FBXL7: variants seen among roughly 807,000 people sequenced by gnomAD.
The protein encoded by FBXL7 is F-box/LRR-repeat protein 7.
FBXL7 carries 12 observed loss-of-function variants against 38.3 expected under a neutral mutation model. The observed-to-expected ratio is 0.31, with a 90% CI of 0.20 to 0.51. FBXL7 has a LOEUF of 0.51. Among genes scored for constraint, FBXL7 ranks in the 20% least tolerant of loss-of-function variants. The pLI is 0.98. For synonymous variants in FBXL7, 297 were observed against 300.9 expected, an observed-to-expected ratio of 0.99 and a Z score of 0.13; for missense variants, 567 against 676.4, an observed-to-expected ratio of 0.84 and a Z score of 1.79.
chr5:15,871,140 C>A (rs1400477261), intron 2 of FBXL7, among the ~76,000 whole-genome samples: 1 of 152,210 alleles, frequency 6.6e-6, no homozygotes, highest in African/African-American at 2.4e-5. Flanking sequence ...TGCTGTTCTG[C>A]AGCCTCTGCT....
At chr5:15,656,514 T>A (rs1561072302) in intron 2 of FBXL7, among the ~76,000 whole-genome samples, 1 of 152,164 alleles carries the variant, frequency 6.6e-6, no homozygotes, top group Non-Finnish European at 1.5e-5. Flanking sequence ...TCAGATCTTG[T>A]GAGATTTATT....
At chr5:15,822,240 T>C (rs1039869137) in intron 2 of FBXL7, among the ~76,000 whole-genome samples, 1 of 149,862 alleles carries the variant, frequency 6.7e-6, no homozygotes, top group Non-Finnish European at 1.5e-5. Flanking sequence ...CACGTGCCTA[T>C]AGTCCCAGCT....
At chr5:15,868,129 G>A (rs1056776820) in intron 2 of FBXL7, among the ~76,000 whole-genome samples, 2 of 151,534 alleles carry the variant, frequency 1.3e-5, no homozygotes, top group Non-Finnish European at 2.9e-5. Context: ...AAAAAATGGA[G>A]GAAAGGGACC....
At chr5:15,829,107 A>G (rs2126771772) in intron 2 of FBXL7, among the ~76,000 whole-genome samples, 1 of 152,298 alleles carries the variant, frequency 6.6e-6, no homozygotes, top group East Asian at 1.9e-4. Context: ...ATATAGCTTG[A>G]GTTCTCAGGT....
rs978479720 is a variant in FBXL7 at position 15,500,210 on chromosome 5, G to C, written c.-467G>C. ...GTCGCTAGTCTTCACTCGCTCCGGG[G>C]ACCCGCAACAAGTGGCCGCCGCGCC... On this transcript the variant is annotated 5_prime_UTR_variant, in exon 1 of 4. Coordinates refer to ENST00000504595, the MANE Select transcript of FBXL7 (RefSeq NM_012304.5). 1 of 152,026 alleles carries C rather than the reference G, an allele frequency of 6.6e-6. No homozygotes were observed. The allele number at this position is 152,026 out of a possible 1,614,324, so 9.4% of individuals were successfully genotyped here. A position where few individuals can be genotyped will look rare whatever the true frequency, so the allele number is the denominator to read the frequency against.
intron 2 of FBXL7, among the ~76,000 whole-genome samples, chr5:15,841,527 C>T (rs1374187980): frequency 6.6e-6 from 1 of 151,738 alleles, no homozygotes; most frequent in Non-Finnish European, 1.5e-5. Context: ...TTGCAGTGGT[C>T]GATTTCTGAT....
At chr5:15,791,361 G>A (rs1737272713) in intron 2 of FBXL7, among the ~76,000 whole-genome samples, 1 of 152,160 alleles carries the variant, frequency 6.6e-6, no homozygotes, top group South Asian at 2.1e-4. Flanking sequence ...TCTCCCTGAA[G>A]AACTTGGTTT....
chr5:15,598,326 A>G (rs977934700), intron 1 of FBXL7, among the ~76,000 whole-genome samples: 3 of 152,214 alleles, frequency 2.0e-5, no homozygotes, highest in Non-Finnish European at 2.9e-5. Context: ...TTATTACTTT[A>G]TACTTATTCA....
intron 2 of FBXL7, among the ~76,000 whole-genome samples, chr5:15,837,360 C>G (rs573049515): frequency 1.3e-5 from 2 of 152,102 alleles, no homozygotes; most frequent in Non-Finnish European, 2.9e-5. Flanking sequence ...AGAAGAAATT[C>G]TAAAGCATTT....
At chr5:15,930,085 G>A (rs6887439) in intron 3 of FBXL7, among the ~76,000 whole-genome samples, 58,452 of 152,034 alleles carry the variant, frequency 0.38, 12,425 homozygotes, top group African/African-American at 0.58. Context: ...CTGGAGAGCA[G>A]CTCGCTGCTC....
At position 15,719,987 on chromosome 5, in the gene FBXL7, T is replaced by A. The variant is rs1011291641; in HGVS notation, c.127+103915T>A. On this transcript the variant is annotated intron_variant, in intron 2 of 3. Transcript: ENST00000504595. ...CTGCGTATTCCCTATCAGTAGCTAC[T>A]GCATCCTGTCTGTTCAACAAGATCA... Among the ~76,000 whole-genome samples the A allele has an allele frequency of 1.1e-4, 16 of 148,930 alleles. 4 individuals carry two copies. Among genetic ancestry groups the A allele is most frequent in the Admixed American group, 7.5e-4 (11 of 14,758 alleles).
chr5:15,711,459 A>T (rs2126642819), intron 2 of FBXL7, among the ~76,000 whole-genome samples: 1 of 152,338 alleles, frequency 6.6e-6, no homozygotes, highest in Middle Eastern at 3.4e-3. Context: ...CATCTTAACT[A>T]ATTCAATTTG....
At chr5:15,772,764 A>T (rs1398511909) in intron 2 of FBXL7, among the ~76,000 whole-genome samples, 1 of 152,146 alleles carries the variant, frequency 6.6e-6, no homozygotes, top group Non-Finnish European at 1.5e-5. Context: ...CACTCTCCTC[A>T]AATATCCTCT....
At chr5:15,622,683 A>T (rs1740694185) in intron 2 of FBXL7, among the ~76,000 whole-genome samples, 1 of 152,146 alleles carries the variant, frequency 6.6e-6, no homozygotes, top group Non-Finnish European at 1.5e-5. Context: ...CCTGTAGCAC[A>T]GAGAAATGAA....
In FBXL7 at chr5:15,649,197, A is replaced by G. The variant is rs1326289919; in HGVS notation, c.127+33125A>G. Among the ~76,000 whole-genome samples the G allele has an allele frequency of 3.3e-5, 5 of 152,168 alleles. No individual in the cohort carries two copies. In the South Asian group the frequency reaches 1.0e-3, roughly 32 times the overall value. ...TTTTTAGGAGAGGCGGGGTTTCACCACGTTGGCCAGGCTGGTCTCGAACTC... is the reference window on the plus strand; with the variant it reads ...TTTTTAGGAGAGGCGGGGTTTCACCGCGTTGGCCAGGCTGGTCTCGAACTC... On this transcript the variant is annotated intron_variant, in intron 2 of 3. Transcript: ENST00000504595.
At chr5:15,849,445 T>C (rs1218278247) in intron 2 of FBXL7, among the ~76,000 whole-genome samples, 1 of 152,196 alleles carries the variant, frequency 6.6e-6, no homozygotes, top group Admixed American at 6.5e-5. Context: ...AGGGACTTGA[T>C]AGGAGATAAT....
intron 2 of FBXL7, among the ~76,000 whole-genome samples, chr5:15,781,455 G>A (rs113102355): frequency 7.3e-4 from 110 of 151,622 alleles, no homozygotes; most frequent in African/African-American, 2.2e-3. Flanking sequence ...GTGTGCGCGC[G>A]CGTGTGTGTG....
intron 1 of FBXL7, among the ~76,000 whole-genome samples, chr5:15,535,281 C>A (rs1245043535): frequency 6.6e-6 from 1 of 152,028 alleles, no homozygotes; most frequent in Non-Finnish European, 1.5e-5. Flanking sequence ...ATAAAGATAA[C>A]CTGAAAATGT....
chr5:15,628,661 A>C (rs928186763), intron 2 of FBXL7, among the ~76,000 whole-genome samples: 1 of 152,180 alleles, frequency 6.6e-6, no homozygotes, highest in Non-Finnish European at 1.5e-5. Flanking sequence ...CTGTTGTTAC[A>C]TGCTTTTTCT....
Sources: allele counts gnomAD v4.1 joint callset (sites outside exome capture counted in the v4.1 genomes callset), GRCh38; gene constraint gnomAD v4.1.1; transcripts MANE v1.5; gene names NCBI Gene and HGNC (gene_info 2026-07-23, HGNC 2026-07-21).